The following ZMAT4 variants were observed in gnomAD, a reference collection of about 807,000 sequenced individuals.
The protein encoded by ZMAT4 is zinc finger matrin-type 4.
Under a neutral mutation model 28.7 loss-of-function variants are expected in ZMAT4, and 17 were observed. The ratio of observed to expected loss-of-function variants is 0.59; its 90% CI spans 0.41 to 0.89. The LOEUF (loss-of-function observed/expected upper bound fraction) is 0.89. ZMAT4 is among the 40% of genes least tolerant of loss of function. ZMAT4 has a pLI of 0.00. For synonymous variants in ZMAT4, 117 were observed against 109.2 expected (o/e 1.07, Z -0.44); for missense variants, 240 against 283.8 (o/e 0.85, Z 1.11).
At chr8:40,543,447 AT>A (rs1361173853) in intron 6 of ZMAT4, among the ~76,000 whole-genome samples, 1 of 152,190 alleles carries the variant, frequency 6.6e-6, no homozygotes, top group East Asian at 1.9e-4. Flanking sequence ...TCTGGGAATT[AT>A]CTTAGTCAAA....
intron 5 of ZMAT4, among the ~76,000 whole-genome samples, chr8:40,590,881 C>T (rs1332730857): frequency 6.6e-6 from 1 of 152,098 alleles, no homozygotes; most frequent in Non-Finnish European, 1.5e-5. Context: ...CCATTAGGTT[C>T]CATCTCAATG....
At chr8:40,789,330 C>T (rs1305770374) in intron 2 of ZMAT4, among the ~76,000 whole-genome samples, 1 of 152,138 alleles carries the variant, frequency 6.6e-6, no homozygotes, top group African/African-American at 2.4e-5. Flanking sequence ...ATGAATTAGG[C>T]AAACGTGTCT....
chr8:40,715,613 G>A (rs918616564), intron 3 of ZMAT4, among the ~76,000 whole-genome samples: 3 of 152,128 alleles, frequency 2.0e-5, no homozygotes, highest in African/African-American at 7.2e-5. Context: ...ATTATTTAGA[G>A]TAAGTAAACC....
At chr8:40,708,144 C>G (rs1810442748) in intron 3 of ZMAT4, among the ~76,000 whole-genome samples, 1 of 152,170 alleles carries the variant, frequency 6.6e-6, no homozygotes, top group African/African-American at 2.4e-5. Flanking sequence ...TGCATGCTAT[C>G]AGCATCTGTG....
intron 5 of ZMAT4, among the ~76,000 whole-genome samples, chr8:40,655,894 C>T (rs961708967): frequency 6.6e-6 from 1 of 151,898 alleles, no homozygotes. Context: ...TTAGATTAGG[C>T]AATATTTCCT....
At chr8:40,875,908 G>A (rs1301517304) in intron 1 of ZMAT4, among the ~76,000 whole-genome samples, 1 of 152,198 alleles carries the variant, frequency 6.6e-6, no homozygotes, top group African/African-American at 2.4e-5. Flanking sequence ...AACAAGTGAT[G>A]TGGGAATGGG....
chr8:40,589,147 C>A (rs139601033), intron 5 of ZMAT4, among the ~76,000 whole-genome samples: 28 of 152,286 alleles, frequency 1.8e-4, no homozygotes, highest in African/African-American at 6.0e-4. Flanking sequence ...TATATAAGCA[C>A]TGATGTGCTT....
intron 6 of ZMAT4, among the ~76,000 whole-genome samples, chr8:40,542,547 C>T (rs1042806107): frequency 6.6e-6 from 1 of 151,888 alleles, no homozygotes; most frequent in African/African-American, 2.4e-5. Flanking sequence ...TGCCACCACT[C>T]CCAGCTAAGT....
intron 5 of ZMAT4, among the ~76,000 whole-genome samples, chr8:40,658,897 T>G (rs527732173): frequency 6.6e-6 from 1 of 152,230 alleles, no homozygotes; most frequent in Admixed American, 6.5e-5. Flanking sequence ...TCCCTCCAGT[T>G]TCTGCCTGGT....
chr8:40,782,135 C>A (rs922440507), intron 2 of ZMAT4, among the ~76,000 whole-genome samples: 1 of 152,118 alleles, frequency 6.6e-6, no homozygotes, highest in Non-Finnish European at 1.5e-5. Flanking sequence ...CACCTGTAAT[C>A]CCAGCATTTT....
intron 5 of ZMAT4, among the ~76,000 whole-genome samples, chr8:40,601,535 G>A (rs1044500469): frequency 2.9e-5 from 4 of 138,908 alleles, no homozygotes; most frequent in Non-Finnish European, 6.2e-5. Context: ...GAGGGAGAAA[G>A]GGGAAGGGGG....
At position 40,710,532 on chromosome 8, in the gene ZMAT4, C is replaced by T. The variant is rs542498969; in HGVS notation, c.193-13131G>A. 1.2e-4 allele frequency among the ~76,000 whole-genome samples: 18 copies of T among 151,932 alleles called. No individual in the cohort carries two copies. The South Asian group carries it at 3.7e-3, about 32-fold the overall frequency. ...AGTGAAGAGGGCTTAAAAACAATGA[C>T]AAACTCTACAAAATTTCCCTAGCAC... On this transcript the variant is annotated intron_variant, in intron 3 of 6. Coordinates refer to ENST00000297737, the MANE Select transcript of ZMAT4 (RefSeq NM_024645.3).
chr8:40,626,483 C>T (rs1005574746), intron 5 of ZMAT4, among the ~76,000 whole-genome samples: 2 of 152,188 alleles, frequency 1.3e-5, no homozygotes, highest in African/African-American at 4.8e-5. Flanking sequence ...ATATAAAACT[C>T]TTCTGTGTTA....
At chr8:40,896,988 T>C (rs1186239605) in intron 1 of ZMAT4, among the ~76,000 whole-genome samples, 8 of 150,668 alleles carry the variant, frequency 5.3e-5, no homozygotes, top group African/African-American at 1.2e-4. Flanking sequence ...TTTTTTTTTT[T>C]CAGGATACCC....
chr8:40,864,307 C>T (rs1255480326), intron 1 of ZMAT4, among the ~76,000 whole-genome samples: 1 of 152,182 alleles, frequency 6.6e-6, no homozygotes, highest in Non-Finnish European at 1.5e-5. Flanking sequence ...GATGTACACC[C>T]TCAGATCTGA....
At chr8:40,617,114 G>A (rs1194424302) in intron 5 of ZMAT4, among the ~76,000 whole-genome samples, 8 of 152,048 alleles carry the variant, frequency 5.3e-5, no homozygotes, top group Admixed American at 3.9e-4. Flanking sequence ...GTGTGATGAT[G>A]ATCTTTACAC....
intron 4 of ZMAT4, among the ~76,000 whole-genome samples, chr8:40,685,691 AC>A (rs1388468401): frequency 6.6e-6 from 1 of 152,150 alleles, no homozygotes; most frequent in African/African-American, 2.4e-5. Flanking sequence ...TGCACCACCC[AC>A]CAAGACCATT....
intron 3 of ZMAT4, among the ~76,000 whole-genome samples, chr8:40,734,801 C>T (rs1271264602): frequency 6.6e-6 from 1 of 151,756 alleles, no homozygotes; most frequent in Non-Finnish European, 1.5e-5. Flanking sequence ...TTGAAAATCT[C>T]CTAAAGAAAA....
At position 40,601,573 on chromosome 8, in the gene ZMAT4, A is replaced by G. The variant is rs565891015; in HGVS notation, c.578-20312T>C. Among the ~76,000 whole-genome samples the G allele has an allele frequency of 3.2e-3, 17 of 5,372 alleles. No homozygotes were observed. In the South Asian group the frequency reaches 0.13, roughly 40 times the overall value. 3.5% of individuals were successfully genotyped at this position (5,372 alleles called of 152,430 possible). Reference sequence around the variant, plus strand: ...TGAGAAAGAAAGAAAGAAGAAAGAAAGAAAGAAAGAAAGAAAGAAAGAAAG... The same window carrying G: ...TGAGAAAGAAAGAAAGAAGAAAGAAGGAAAGAAAGAAAGAAAGAAAGAAAG... On this transcript the variant is annotated intron_variant, in intron 5 of 6. Transcript: ENST00000297737.
Sources: gnomAD v4.1 joint callset for allele counts (sites outside exome capture counted in the v4.1 genomes callset) on GRCh38, gnomAD v4.1.1 for gene constraint, MANE v1.5 for transcripts, NCBI Gene and HGNC (gene_info 2026-07-23, HGNC 2026-07-21) for gene names.